The following GFPT1 variants were observed in gnomAD, a reference collection of about 807,000 sequenced individuals.
The protein encoded by GFPT1 is glutamine--fructose-6-phosphate aminotransferase [isomerizing] 1.
Under a neutral mutation model 92.0 loss-of-function variants are expected in GFPT1, and 40 were observed. The observed-to-expected ratio is 0.43, with a 90% CI of 0.34 to 0.57. The LOEUF is 0.57. Ranked by LOEUF, GFPT1 falls within the 20% of genes least tolerant of loss-of-function variation. The pLI is 0.02. For missense variants in GFPT1, 448 were observed against 869.1 expected (o/e 0.52, Z 6.09); for synonymous variants, 269 against 280.6 (o/e 0.96, Z 0.41).
intron 3 of GFPT1, among the ~76,000 whole-genome samples, chr2:69,363,980 T>C (rs1408573358): frequency 6.6e-6 from 1 of 152,062 alleles, no homozygotes; most frequent in East Asian, 1.9e-4. Flanking sequence ...CCAGGCATGG[T>C]GGCACGCGCC....
intron 3 of GFPT1, among the ~76,000 whole-genome samples, chr2:69,366,488 A>G (rs1671614922): frequency 6.6e-6 from 1 of 152,228 alleles, no homozygotes; most frequent in Non-Finnish European, 1.5e-5. Context: ...TACTGAAGAA[A>G]GTCAGAAAAT....
At position 69,348,927 on chromosome 2, in the gene GFPT1, ACT is replaced by A. The variant is rs531154216; in HGVS notation, c.846-595_846-594del. Among the ~76,000 whole-genome samples, 128 of 151,258 alleles carry A rather than the reference ACT, an allele frequency of 8.5e-4. 1 individual carries two copies. The Middle Eastern group carries it at 0.027, about 32-fold the overall frequency. Reference sequence around the variant, plus strand: ...TTCATCTCCCCCCAAGCTTCCTCTCACTCTCTCTATTCTGGCCACACTCAAAG... The same window carrying A: ...TTCATCTCCCCCCAAGCTTCCTCTCACTCTCTATTCTGGCCACACTCAAAG... On this transcript the variant is annotated intron_variant, in intron 10 of 19. Transcript: ENST00000357308.
intron 15 of GFPT1, among the ~76,000 whole-genome samples, chr2:69,332,313 C>CTTTTTT (rs1257559725): frequency 3.0e-5 from 4 of 134,388 alleles, no homozygotes; most frequent in Non-Finnish European, 4.8e-5. Flanking sequence ...CTTTTCTTTT[C>CTTTTTT]TTTTTTTTTT....
chr2:69,336,379 A>C (rs940335618), intron 15 of GFPT1, among the ~76,000 whole-genome samples: 1 of 151,414 alleles, frequency 6.6e-6, no homozygotes, highest in Non-Finnish European at 1.5e-5. Context: ...GAAAAGAAGA[A>C]TTTTTATATA....
Position 69,350,579 on chromosome 2 carries a change from C to A in GFPT1, c.740-396G>T, listed in dbSNP as rs142305151. On this transcript the variant is annotated intron_variant, in intron 9 of 19. Transcript: ENST00000357308. ...AAAGTTTGTGTACCTATAATTATAA[C>A]AAAATTACATTTAAAATATCAAAAT... Among the ~76,000 whole-genome samples the A allele has an allele frequency of 5.8e-3, 880 of 151,992 alleles. 10 individuals are homozygous for A. Among genetic ancestry groups the A allele is most frequent in the African/African-American group, 0.019 (784 of 41,460 alleles).
chr2:69,372,198 CAAAAAAAA>C (rs534920006), intron 2 of GFPT1, among the ~76,000 whole-genome samples: 7 of 52,736 alleles, frequency 1.3e-4, no homozygotes, highest in Non-Finnish European at 2.8e-4. Context: ...GACTCCATCT[CAAAAAAAA>C]AAAAAAAAAA....
Position 69,354,497 on chromosome 2 carries a change from T to C in GFPT1, c.677A>G (p.Tyr226Cys). The change falls in exon 8 of 20, where the codon TAC becomes TGC. Residue 226 changes from tyrosine to cysteine, a missense_variant. This residue lies in a region of GFPT1 where 118 missense variants were observed against 192.9 expected (regional missense o/e 0.61). Transcript: ENST00000357308. The part of the protein sequence containing the change: ...KLSTDHIPIL[Y>C]RTARTQIGSK... ...TGTAGAGGTAATTTTACCTGTTCTG[T>C]AGAGTATAGGAATGTGATCAGTAGA... 6.3e-7 allele frequency: 1 copy of C among 1,584,428 alleles called. No individual in the cohort carries two copies. The highest frequency in any genetic ancestry group is 8.7e-7 in the Non-Finnish European group (1 of 1,152,994).
rs745676352 is a variant in GFPT1, at chr2:69,326,154, A to G, written c.*35T>C. 26 of 1,412,664 alleles carry G rather than the reference A, an allele frequency of 1.8e-5. 1 individual carries two copies. In the South Asian group the frequency reaches 2.9e-4, roughly 16 times the overall value. 87.5% of individuals were successfully genotyped at this position (1,412,664 alleles called of 1,614,324 possible). A position where few individuals can be genotyped will look rare whatever the true frequency, so the allele number is the denominator to read the frequency against. On this transcript the variant is annotated 3_prime_UTR_variant, in exon 20 of 20. Transcript: ENST00000357308. ...TACAAAAGGTGTCTTGTGTTGCTTA[A>G]TCATACAGTTTCGTACATTTTGTAT...
At chr2:69,368,683 T>C (rs1671669495) in intron 3 of GFPT1, among the ~76,000 whole-genome samples, 1 of 151,616 alleles carries the variant, frequency 6.6e-6, no homozygotes, top group South Asian at 2.1e-4. Context: ...GAACCAAGAT[T>C]GCACCATTGC....
rs772640415 is a variant in GFPT1, at chr2:69,327,050, T to C, written c.1919A>G (p.Lys640Arg). 4.3e-6 allele frequency: 7 copies of C among 1,613,932 alleles called. No individual in the cohort carries two copies. Among genetic ancestry groups the C allele is most frequent in the Non-Finnish European group, 5.1e-6 (6 of 1,179,974 alleles). Residue 640 changes from lysine (K) to arginine (R), a missense_variant, in exon 19 of 20, where the codon AAG (lysine) becomes AGG (arginine). Lys to Arg is a conservative substitution (Grantham distance 26). This residue lies in a region of GFPT1 where 55 missense variants were observed against 98.8 expected (regional missense o/e 0.56). Coordinates refer to ENST00000357308, the MANE Select transcript of GFPT1 (RefSeq NM_001244710.2). ...RQGRPVVICDKEDTETIKNTK... is the reference protein window; with the variant it reads ...RQGRPVVICDREDTETIKNTK... ...GTTCTTAATGGTCTCAGTATCCTCC[T>C]TATCACAAATTACCACAGGCCGCCC...
At chr2:69,371,076 C>CTTTTT (rs1156764424) in intron 2 of GFPT1, among the ~76,000 whole-genome samples, 46 of 127,706 alleles carry the variant, frequency 3.6e-4, no homozygotes, top group South Asian at 1.3e-3. Context: ...CTTTTCTTTT[C>CTTTTT]TTTTTTTTTT....
intron 2 of GFPT1, 111 bp from the exon 3 acceptor site, chr2:69,370,219 C>T: frequency 1.4e-6 from 1 of 733,236 alleles, no homozygotes; most frequent in Non-Finnish European, 2.5e-6. Context: ...AATTAATTCA[C>T]TAATGTATTA....
intron 1 of GFPT1, among the ~76,000 whole-genome samples, chr2:69,386,243 C>T (rs1277240728): frequency 6.6e-6 from 1 of 152,160 alleles, no homozygotes; most frequent in African/African-American, 2.4e-5. Context: ...AAGGGCCTAA[C>T]CTTAATTTTT....
chr2:69,366,639 TA>T (rs1392555648), intron 3 of GFPT1, among the ~76,000 whole-genome samples: 1 of 152,230 alleles, frequency 6.6e-6, no homozygotes, highest in Admixed American at 6.5e-5. Flanking sequence ...CTATTCTCCA[TA>T]AAGCTCAATC....
intron 19 of GFPT1, 51 bp downstream of exon 19, chr2:69,326,863 G>C: frequency 6.5e-7 from 1 of 1,539,168 alleles, no homozygotes; most frequent in Non-Finnish European, 9.0e-7. Flanking sequence ...AAATCAGAAT[G>C]TATCCAGGTA....
intron 6 of GFPT1, 37 bp downstream of exon 6, chr2:69,358,292 T>C (rs757909525): frequency 7.7e-6 from 12 of 1,563,536 alleles, no homozygotes; most frequent in East Asian, 2.2e-5. Flanking sequence ...TCAGCATTAA[T>C]GTTGGCATAA....
intron 9 of GFPT1, among the ~76,000 whole-genome samples, chr2:69,351,183 T>C (rs2104641236): frequency 6.6e-6 from 1 of 152,350 alleles, no homozygotes; most frequent in East Asian, 1.9e-4. Context: ...CAGGATAAAG[T>C]AGGGTCTTTT....
intron 11 of GFPT1, among the ~76,000 whole-genome samples, chr2:69,346,364 G>C (rs1341205212): frequency 6.6e-6 from 1 of 151,848 alleles, no homozygotes; most frequent in Non-Finnish European, 1.5e-5. Flanking sequence ...TCAGCCTCCT[G>C]AGTAGCTGTG....
chr2:69,378,527 A>T (rs1243704215), intron 1 of GFPT1, among the ~76,000 whole-genome samples: 1 of 152,258 alleles, frequency 6.6e-6, no homozygotes, highest in Non-Finnish European at 1.5e-5. Context: ...TTGAACCTAC[A>T]GGCATCATTC....
Sources: gnomAD v4.1 joint callset for allele counts (sites outside exome capture counted in the v4.1 genomes callset) on GRCh38, gnomAD v4.1.1 for gene constraint, gnomAD v4.1.1 regional missense constraint, MANE v1.5 for transcripts, NCBI Gene and HGNC (gene_info 2026-07-23, HGNC 2026-07-21) for gene names.